The following CCDC171 variants were observed in gnomAD, a reference collection of about 807,000 sequenced individuals.
CCDC171 encodes coiled-coil domain-containing protein 171.
Under a neutral mutation model 168.2 loss-of-function variants are expected in CCDC171, and 177 were observed. The ratio of observed to expected loss-of-function variants is 1.05; its 90% CI spans 0.93 to 1.19. The LOEUF is 1.19. Among genes scored for constraint, CCDC171 ranks in the 50% most tolerant of loss-of-function variants. The pLI is 0.00. For synonymous variants in CCDC171, 687 were observed against 540.8 expected, an observed-to-expected ratio of 1.27 and a Z score of -3.75; for missense variants, 1,991 against 1,539.0, an observed-to-expected ratio of 1.29 and a Z score of -4.91.
At chr9:16,102,985 G>T in the CCDC171 span, among the ~76,000 whole-genome samples, 1 of 152,126 alleles carries the variant, frequency 6.6e-6, no homozygotes, top group African/African-American at 2.4e-5. Flanking sequence ...CTAACTTTCG[G>T]ATTGAGCAGG....
chr9:15,937,256 G>A (rs987004532), intron 25 of CCDC171, among the ~76,000 whole-genome samples: 10 of 151,874 alleles, frequency 6.6e-5, no homozygotes, highest in Non-Finnish European at 1.5e-4. Context: ...AAAAAATGTT[G>A]TGTTTGAAAC....
intron 21 of CCDC171, among the ~76,000 whole-genome samples, chr9:15,787,928 T>C (rs2058052969): frequency 6.6e-6 from 1 of 152,216 alleles, no homozygotes; most frequent in African/African-American, 2.4e-5. Context: ...TAATAGATAA[T>C]GTAATGAACT....
upstream of CCDC171, among the ~76,000 whole-genome samples, chr9:16,038,885 GCT>G (rs1833524255): frequency 1.0e-5 from 1 of 96,166 alleles, no homozygotes; most frequent in African/African-American, 3.6e-5. Context: ...AAAAAAAAAA[GCT>G]GAATATAGTT....
chr9:15,795,582 T>C (rs1053761339), intron 21 of CCDC171, among the ~76,000 whole-genome samples: 1 of 152,130 alleles, frequency 6.6e-6, no homozygotes, highest in African/African-American at 2.4e-5. Context: ...TCTAATTAGC[T>C]CATTGGGGTG....
chr9:15,652,911 A>G (rs867564143), intron 7 of CCDC171, among the ~76,000 whole-genome samples: 5 of 152,260 alleles, frequency 3.3e-5, no homozygotes, highest in South Asian at 4.1e-4. Context: ...GCTTTTTTAT[A>G]TAATAGCTAA....
At chr9:15,700,183 C>T (rs1298645971) in intron 11 of CCDC171, among the ~76,000 whole-genome samples, 1 of 152,200 alleles carries the variant, frequency 6.6e-6, no homozygotes, top group Non-Finnish European at 1.5e-5. Context: ...TGAGCCCTGC[C>T]CCACGGGAAG....
intron 24 of CCDC171, among the ~76,000 whole-genome samples, chr9:15,915,299 C>A (rs779630900): frequency 6.6e-6 from 1 of 151,638 alleles, no homozygotes; most frequent in African/African-American, 2.4e-5. Flanking sequence ...TCTACAATTT[C>A]TTTCATCAGT....
chr9:15,785,069 A>G (rs546958392), intron 21 of CCDC171, among the ~76,000 whole-genome samples: 52 of 151,772 alleles, frequency 3.4e-4, no homozygotes, highest in Non-Finnish European at 1.2e-4. Context: ...CATCTTTTGG[A>G]TTCTGGAAGG....
chr9:15,759,900 A>C (rs1204743624), intron 18 of CCDC171, among the ~76,000 whole-genome samples: 1 of 152,172 alleles, frequency 6.6e-6, no homozygotes, highest in Non-Finnish European at 1.5e-5. Context: ...TTTTCATCAT[A>C]GGACAGGTAG....
intron 12 of CCDC171, among the ~76,000 whole-genome samples, chr9:15,723,411 C>T (rs117308587): frequency 6.6e-6 from 1 of 152,032 alleles, no homozygotes. Context: ...TTTATCTGGA[C>T]GTGTGGTAAA....
intron 3 of CCDC171, among the ~76,000 whole-genome samples, chr9:16,020,076 T>C (rs1410898595): frequency 6.6e-6 from 1 of 152,210 alleles, no homozygotes; most frequent in Admixed American, 6.5e-5. Flanking sequence ...CTGAGCATCC[T>C]TAATCTGCAA....
chr9:15,954,843 C>G (rs531518776), intron 25 of CCDC171, among the ~76,000 whole-genome samples: 1 of 151,936 alleles, frequency 6.6e-6, no homozygotes, highest in African/African-American at 2.4e-5. Context: ...TCTTGATTTT[C>G]TTCACATCTT....
intron 21 of CCDC171, among the ~76,000 whole-genome samples, chr9:15,790,326 T>A (rs1195698729): frequency 6.6e-6 from 1 of 152,242 alleles, no homozygotes; most frequent in Non-Finnish European, 1.5e-5. Flanking sequence ...TGGTTTTGAT[T>A]TGCATTTCTC....
At chr9:15,599,935 C>G (rs183941203) in intron 6 of CCDC171, among the ~76,000 whole-genome samples, 8 of 152,074 alleles carry the variant, frequency 5.3e-5, no homozygotes, top group Non-Finnish European at 1.0e-4. Flanking sequence ...TCCAGTTGAT[C>G]GAATCGGCTA....
At chr9:15,920,820 G>A (rs1301740726) in intron 25 of CCDC171, among the ~76,000 whole-genome samples, 1 of 151,650 alleles carries the variant, frequency 6.6e-6, no homozygotes, top group Non-Finnish European at 1.5e-5. Context: ...ATTATTCTCT[G>A]TAGAAATCTA....
intron 6 of CCDC171, among the ~76,000 whole-genome samples, chr9:15,601,819 C>G (rs2042875813): frequency 6.6e-6 from 1 of 152,130 alleles, no homozygotes; most frequent in Non-Finnish European, 1.5e-5. Flanking sequence ...TAAAATAGCT[C>G]TTTTATTTCT....
At chr9:15,623,698 G>C (rs1447743597) in intron 7 of CCDC171, among the ~76,000 whole-genome samples, 2 of 152,076 alleles carry the variant, frequency 1.3e-5, no homozygotes, top group African/African-American at 2.4e-5. Context: ...GGAATATTTG[G>C]GAAGTTTGAG....
chr9:15,845,672 G>T (rs1239016801), intron 21 of CCDC171: 4 of 151,812 alleles, frequency 2.6e-5, no homozygotes, highest in Admixed American at 2.6e-4. Context: ...TTAATGTGTG[G>T]CTAAACTGAG....
the CCDC171 span, among the ~76,000 whole-genome samples, chr9:16,070,095 C>T: frequency 5.3e-5 from 8 of 152,248 alleles, no homozygotes; most frequent in African/African-American, 1.9e-4. Context: ...TGAGCTGCTG[C>T]GAGCCGTGTA....
Sources: gnomAD v4.1 joint callset for allele counts (sites outside exome capture counted in the v4.1 genomes callset) on GRCh38, gnomAD v4.1.1 for gene constraint, MANE v1.5 for transcripts, NCBI Gene and HGNC (gene_info 2026-07-23, HGNC 2026-07-21) for gene names.